GRAMD2B: variants seen among roughly 807,000 people sequenced by gnomAD.
GRAMD2B encodes the protein GRAM domain-containing protein 2B.
Under a neutral mutation model 59.2 loss-of-function variants are expected in GRAMD2B, and 41 were observed. That is an observed-to-expected ratio of 0.69 (90% CI 0.54 to 0.90). The LOEUF is 0.90. Among genes scored for constraint, GRAMD2B ranks in the 40% least tolerant of loss-of-function variants. The pLI is 0.00. For synonymous variants in GRAMD2B, 161 were observed against 182.7 expected (o/e 0.88, Z 0.96); for missense variants, 424 against 500.5 (o/e 0.85, Z 1.46).
intron 1 of GRAMD2B, among the ~76,000 whole-genome samples, chr5:126,437,842 G>C (rs1178239783): frequency 6.6e-6 from 1 of 152,190 alleles, no homozygotes; most frequent in East Asian, 1.9e-4. Context: ...TTAGTAGCAT[G>C]ATGAGCATGA....
At chr5:126,430,682 T>C (rs1449821853) in intron 1 of GRAMD2B, among the ~76,000 whole-genome samples, 1 of 152,158 alleles carries the variant, frequency 6.6e-6, no homozygotes, top group Non-Finnish European at 1.5e-5. Context: ...TATATGTCTT[T>C]TCACAAGAAA....
intron 1 of GRAMD2B, among the ~76,000 whole-genome samples, chr5:126,388,358 G>C (rs1756371280): frequency 6.6e-6 from 1 of 151,660 alleles, no homozygotes. Context: ...GGGTGACAAA[G>C]TGAGATCTTA....
At chr5:126,464,982 A>T in intron 1 of GRAMD2B, 1 of 882,428 alleles carries the variant, frequency 1.1e-6, no homozygotes, top group Non-Finnish European at 1.4e-6. Context: ...GCTTGGTTAA[A>T]CAACATGTAA....
intron 5 of GRAMD2B, among the ~76,000 whole-genome samples, chr5:126,476,215 G>T (rs939653182): frequency 1.3e-5 from 2 of 152,218 alleles, no homozygotes; most frequent in African/African-American, 2.4e-5. Context: ...GGAGGTTGCC[G>T]TGAGCCAAGA....
upstream of GRAMD2B, among the ~76,000 whole-genome samples, chr5:126,418,708 G>C (rs912301737): frequency 3.3e-5 from 5 of 152,080 alleles, no homozygotes; most frequent in African/African-American, 9.7e-5. Context: ...TCTTCATATT[G>C]ACATAAATCA....
intron 1 of GRAMD2B, among the ~76,000 whole-genome samples, chr5:126,440,348 A>G (rs1461467540): frequency 6.6e-6 from 1 of 152,242 alleles, no homozygotes; most frequent in East Asian, 1.9e-4. Flanking sequence ...AAAACATTTC[A>G]GAATGATTCT....
At chr5:126,489,504 T>C (rs1773551840) in intron 13 of GRAMD2B, among the ~76,000 whole-genome samples, 1 of 152,200 alleles carries the variant, frequency 6.6e-6, no homozygotes, top group South Asian at 2.1e-4. Flanking sequence ...CCTGTCTGAC[T>C]GCAAAGTTGT....
chr5:126,488,915 A>G (rs767401437), intron 13 of GRAMD2B, 23 bp downstream of exon 13: 8 of 1,562,732 alleles, frequency 5.1e-6, no homozygotes, highest in Non-Finnish European at 7.1e-6. Context: ...TTTCCTGTGT[A>G]TGGGGGCAGT....
chr5:126,472,170 GA>G, intron 3 of GRAMD2B, 67 bp from the exon 4 acceptor site: 2 of 1,252,432 alleles, frequency 1.6e-6, no homozygotes, highest in Non-Finnish European at 2.3e-6. Context: ...ATTTGTTGTT[GA>G]AGTTGAATTT....
At chr5:126,408,752 A>T (rs541442645) in intron 1 of GRAMD2B, among the ~76,000 whole-genome samples, 9 of 149,616 alleles carry the variant, frequency 6.0e-5, no homozygotes, top group Non-Finnish European at 1.3e-4. Context: ...GGCTAGTTAC[A>T]TATGTATACA....
At chr5:126,361,409 C>A (rs1282608062) in intron 1 of GRAMD2B, among the ~76,000 whole-genome samples, 1 of 150,852 alleles carries the variant, frequency 6.6e-6, no homozygotes, top group Non-Finnish European at 1.5e-5. Flanking sequence ...TGAATCCCAA[C>A]TCTGCTGCCA....
intron 1 of GRAMD2B, among the ~76,000 whole-genome samples, chr5:126,441,619 G>A (rs1763305440): frequency 6.6e-6 from 1 of 152,138 alleles, no homozygotes; most frequent in South Asian, 2.1e-4. Context: ...TGCCATACAA[G>A]GGAGAACTAT....
intron 1 of GRAMD2B, among the ~76,000 whole-genome samples, chr5:126,424,509 T>C (rs1207369061): frequency 6.6e-6 from 1 of 152,220 alleles, no homozygotes; most frequent in African/African-American, 2.4e-5. Flanking sequence ...GAAATCATTT[T>C]AAGTTGCCAA....
chr5:126,417,381 A>T (rs1016640367), intron 1 of GRAMD2B, among the ~76,000 whole-genome samples: 1 of 152,378 alleles, frequency 6.6e-6, no homozygotes, highest in Admixed American at 6.5e-5. Flanking sequence ...AGGCAGCCAA[A>T]GCTAGCCACG....
At chr5:126,370,877 A>G (rs978297581), upstream of GRAMD2B, among the ~76,000 whole-genome samples, 5 of 152,226 alleles carry the variant, frequency 3.3e-5, no homozygotes, top group South Asian at 2.1e-4. Flanking sequence ...TATCACTTCC[A>G]TAAGAACTCC....
At chr5:126,421,735 A>T (rs146477609), upstream of GRAMD2B, among the ~76,000 whole-genome samples, 25 of 152,370 alleles carry the variant, frequency 1.6e-4, no homozygotes, top group East Asian at 4.4e-3. Context: ...AGAAGGAATA[A>T]GAAAACTTTG....
upstream of GRAMD2B, among the ~76,000 whole-genome samples, chr5:126,419,518 A>C (rs1462353133): frequency 6.6e-5 from 10 of 152,194 alleles, no homozygotes; most frequent in Non-Finnish European, 1.2e-4. Context: ...GTGGGGACAC[A>C]GAGCCAAACC....
At chr5:126,449,162 C>A (rs1484335170) in intron 1 of GRAMD2B, among the ~76,000 whole-genome samples, 3 of 152,128 alleles carry the variant, frequency 2.0e-5, no homozygotes, top group Admixed American at 6.5e-5. Flanking sequence ...AAATTAAAAT[C>A]TTTTAGATCC....
chr5:126,410,819 T>C (rs1162688917), intron 1 of GRAMD2B, among the ~76,000 whole-genome samples: 3 of 152,034 alleles, frequency 2.0e-5, no homozygotes, highest in Non-Finnish European at 1.5e-5. Flanking sequence ...ACTGGTATGA[T>C]ACGGTATCTT....
Sources: allele counts gnomAD v4.1 joint callset (sites outside exome capture counted in the v4.1 genomes callset), GRCh38; gene constraint gnomAD v4.1.1; transcripts MANE v1.5; gene names NCBI Gene and HGNC (gene_info 2026-07-23, HGNC 2026-07-21).